ABR: variants seen among roughly 807,000 people sequenced by gnomAD.
ABR encodes ABR activator of RhoGEF and GTPase.
A neutral mutation model predicts 107.2 loss-of-function variants in ABR; 35 were observed. The observed-to-expected ratio is 0.33, with a 90% CI of 0.25 to 0.43. The LOEUF (loss-of-function observed/expected upper bound fraction) is 0.43, where lower values mean the gene tolerates loss of function less well. ABR is among the 20% of genes least tolerant of loss of function. The probability of loss-of-function intolerance (pLI) is 1.00; values close to 1 mark genes in which losing one functional copy is unlikely to be tolerated. For missense variants in ABR, 815 were observed against 1,115.2 expected, an observed-to-expected ratio of 0.73 and a Z score of 3.83; for synonymous variants, 498 against 462.0, an observed-to-expected ratio of 1.08 and a Z score of -1.00.
chr17:1,218,435 G>A (rs1275138780), intron 1 of ABR, among the ~76,000 whole-genome samples: 1 of 152,174 alleles, frequency 6.6e-6, no homozygotes, highest in African/African-American at 2.4e-5. Context: ...AAAGTGAAAA[G>A]CTATAGTCTG....
At chr17:1,080,375 A>G (rs1481613368) in intron 5 of ABR, among the ~76,000 whole-genome samples, 1 of 152,150 alleles carries the variant, frequency 6.6e-6, no homozygotes, top group Non-Finnish European at 1.5e-5. Flanking sequence ...ATCTGCTCCA[A>G]GCCTCTTTAT....
At chr17:1,160,225 G>T (rs1057056627) in intron 1 of ABR, among the ~76,000 whole-genome samples, 1 of 151,788 alleles carries the variant, frequency 6.6e-6, no homozygotes, top group Non-Finnish European at 1.5e-5. Flanking sequence ...CTGCACTCCA[G>T]CCTAGGCGAC....
rs550110323 is a variant in ABR, at chr17:1,058,222, C to A, written c.1306-177G>T. ...TGGCAAAATCTCGGCTCACTGCAAC[C>A]TCCACCTCCCGGGTTCACGCCAATC... On this transcript the variant is annotated intron_variant, in intron 11 of 22. Transcript: ENST00000302538. 3.4e-5 allele frequency among the ~76,000 whole-genome samples: 5 copies of A among 146,652 alleles called. 1 individual carries two copies. The South Asian group carries it at 1.1e-3, about 32-fold the overall frequency.
intron 2 of ABR, among the ~76,000 whole-genome samples, chr17:1,110,257 T>A (rs2038591048): frequency 6.6e-6 from 1 of 151,770 alleles, no homozygotes; most frequent in South Asian, 2.1e-4. Context: ...CACATACACC[T>A]CCTTCCATGG....
intron 1 of ABR, among the ~76,000 whole-genome samples, chr17:1,151,805 A>G (rs1275294351): frequency 6.6e-6 from 1 of 152,226 alleles, no homozygotes; most frequent in Non-Finnish European, 1.5e-5. Context: ...AGGATACAAT[A>G]GAAAGACAGG....
chr17:1,208,626 C>T (rs1433351385), intron 1 of ABR, among the ~76,000 whole-genome samples: 3 of 152,192 alleles, frequency 2.0e-5, no homozygotes, highest in South Asian at 2.1e-4. Context: ...CAGTGGCTCA[C>T]GCCTCTTATC....
At chr17:1,139,925 C>T (rs373532712) in intron 1 of ABR, among the ~76,000 whole-genome samples, 5 of 152,112 alleles carry the variant, frequency 3.3e-5, no homozygotes, top group Non-Finnish European at 5.9e-5. Flanking sequence ...GGGGGCAGGA[C>T]GCAGGAGGTT....
At chr17:1,169,729 T>C (rs1371276053) in intron 1 of ABR, among the ~76,000 whole-genome samples, 2 of 152,140 alleles carry the variant, frequency 1.3e-5, no homozygotes, top group African/African-American at 4.8e-5. Flanking sequence ...GCCCTGGGCC[T>C]CGGCAAAGGA....
intron 4 of ABR, among the ~76,000 whole-genome samples, chr17:1,089,781 G>A (rs572414051): frequency 1.2e-3 from 184 of 152,300 alleles, no homozygotes; most frequent in African/African-American, 4.2e-3. Context: ...CCGACATGGC[G>A]AAACCCCGTC....
At chr17:1,111,212 C>T (rs1281355045) in intron 2 of ABR, among the ~76,000 whole-genome samples, 8 of 152,130 alleles carry the variant, frequency 5.3e-5, no homozygotes, top group Admixed American at 2.0e-4. Flanking sequence ...TCCTCGTCCC[C>T]GTTCCCCACA....
intron 16 of ABR, among the ~76,000 whole-genome samples, chr17:1,022,064 A>G (rs2663349): frequency 0.44 from 61,679 of 140,492 alleles, 15,265 homozygotes; most frequent in African/African-American, 0.68. Flanking sequence ...CCAAGATAGC[A>G]CCACTGCACT....
intron 1 of ABR, among the ~76,000 whole-genome samples, chr17:1,146,633 A>AC (rs2040540759): frequency 3.0e-5 from 1 of 33,204 alleles, no homozygotes; most frequent in Non-Finnish European, 6.5e-5. Context: ...CACCACTGCC[A>AC]CATGCCACCA....
At position 1,012,869 on chromosome 17, in the gene ABR, G is replaced by A. The variant is rs546611412; in HGVS notation, c.1852-72C>T. On this transcript the variant is annotated intron_variant, in intron 17 of 22. Transcript: ENST00000302538. ...CCGAGGAATGCCCCCAAAACACAGGGGTCCCCTCCCCAAGACTGCAAATGA... is the reference window on the plus strand; with the variant it reads ...CCGAGGAATGCCCCCAAAACACAGGAGTCCCCTCCCCAAGACTGCAAATGA... The A allele has an allele frequency of 1.3e-5, 17 of 1,345,026 alleles. No individual in the cohort carries two copies. In the East Asian group the frequency reaches 3.8e-4, roughly 30 times the overall value. 83.3% of individuals were successfully genotyped at this position (1,345,026 alleles called of 1,614,324 possible). A position where few individuals can be genotyped will look rare whatever the true frequency, so the allele number is the denominator to read the frequency against.
At position 1,023,016 on chromosome 17, in the gene ABR, C is replaced by T. The variant is rs892542329; in HGVS notation, c.1792-9852G>A. On this transcript the variant is annotated intron_variant, in intron 16 of 22. Transcript: ENST00000302538. Reference sequence around the variant, plus strand: ...CCCACGTCCGCTCCAGAGCCTCTGCCGGCCCCACGTCCACTGCAGAGCCTC... The same window carrying T: ...CCCACGTCCGCTCCAGAGCCTCTGCTGGCCCCACGTCCACTGCAGAGCCTC... Among the ~76,000 whole-genome samples the T allele has an allele frequency of 5.5e-5, 8 of 146,234 alleles. No homozygotes were observed. The East Asian group carries it at 7.8e-4, about 14-fold the overall frequency.
At chr17:1,101,700 G>C (rs2037876673) in intron 2 of ABR, among the ~76,000 whole-genome samples, 1 of 151,978 alleles carries the variant, frequency 6.6e-6, no homozygotes, top group African/African-American at 2.4e-5. Context: ...TTCTCAAGTG[G>C]CTTAGACTCT....
chr17:1,194,247 G>T (rs975695065), intron 1 of ABR, among the ~76,000 whole-genome samples: 1 of 151,696 alleles, frequency 6.6e-6, no homozygotes, highest in African/African-American at 2.4e-5. Context: ...GAGTGCAATG[G>T]CACGATCTTG....
chr17:1,074,848 A>T, intron 6 of ABR, among the ~76,000 whole-genome samples: 1 of 152,246 alleles, frequency 6.6e-6, no homozygotes. Context: ...TGGGAGGCTG[A>T]GGCAGGGAAA....
intron 1 of ABR, among the ~76,000 whole-genome samples, chr17:1,172,704 T>C (rs1337271135): frequency 6.6e-6 from 1 of 151,516 alleles, no homozygotes; most frequent in East Asian, 1.9e-4. Context: ...GAGCCGAGAT[T>C]GCCCCACTGC....
intron 1 of ABR, among the ~76,000 whole-genome samples, chr17:1,133,272 T>C (rs2039925621): frequency 6.6e-6 from 1 of 152,082 alleles, no homozygotes; most frequent in Non-Finnish European, 1.5e-5. Context: ...GGCCCAACTT[T>C]TCTAGAGTCA....
Sources: gnomAD v4.1 joint callset for allele counts (sites outside exome capture counted in the v4.1 genomes callset) on GRCh38, gnomAD v4.1.1 for gene constraint, MANE v1.5 for transcripts, NCBI Gene and HGNC (gene_info 2026-07-23, HGNC 2026-07-21) for gene names.